Variants in PKIB observed in about 807,000 individuals in gnomAD.
PKIB encodes the protein PKI-beta.
PKIB carries 2 observed loss-of-function variants against 4.5 expected under a neutral mutation model. The ratio of observed to expected loss-of-function variants is 0.44; its 90% CI spans 0.18 to 1.39. PKIB has a LOEUF of 1.39. Among genes scored for constraint, PKIB ranks in the 40% most tolerant of loss-of-function variants. PKIB has a pLI of 0.27. For synonymous variants in PKIB, 38 were observed against 36.0 expected (o/e 1.06, Z -0.20); for missense variants, 94 against 92.6 (o/e 1.02, Z -0.06).
intron 2 of PKIB, among the ~76,000 whole-genome samples, chr6:122,519,091 A>C (rs1355903377): frequency 6.6e-6 from 1 of 152,150 alleles, no homozygotes; most frequent in Non-Finnish European, 1.5e-5. Flanking sequence ...GCTACTAGGA[A>C]CCAGACTGCA....
chr6:122,507,931 G>A (rs1776463766), intron 2 of PKIB, among the ~76,000 whole-genome samples: 1 of 151,968 alleles, frequency 6.6e-6, no homozygotes, highest in Non-Finnish European at 1.5e-5. Flanking sequence ...AAAATTTAAG[G>A]TAACAAGAGC....
chr6:122,483,438 A>T (rs1312159630), intron 2 of PKIB: 1 of 152,216 alleles, frequency 6.6e-6, no homozygotes, highest in African/African-American at 2.4e-5. Context: ...ATGCATATAG[A>T]AGATGAAAAA....
rs112537005 is a variant in PKIB, at chr6:122,513,572, C to T, written c.-248+35633C>T. 5.1e-3 allele frequency among the ~76,000 whole-genome samples: 764 copies of T among 150,684 alleles called. 7 individuals carry two copies. Among genetic ancestry groups the T allele is most frequent in the African/African-American group, 0.017 (711 of 40,994 alleles). ...AGGTTTGGGGTGTAGATGTCATCAC[C>T]CAGGTTGTAGTAAACATAGTACCCA... is the stretch of plus-strand genomic sequence containing the variant. On this transcript the variant is annotated intron_variant, in intron 2 of 6. Coordinates refer to the PKIB transcript ENST00000392491.
intron 2 of PKIB, among the ~76,000 whole-genome samples, chr6:122,654,711 T>A (rs1041427534): frequency 6.6e-6 from 1 of 152,348 alleles, no homozygotes; most frequent in Non-Finnish European, 1.5e-5. Context: ...TCAGTTGTTA[T>A]ATTTTTCTGT....
intron 1 of PKIB, among the ~76,000 whole-genome samples, chr6:122,475,312 G>A (rs1775425160): frequency 6.6e-6 from 1 of 152,180 alleles, no homozygotes; most frequent in African/African-American, 2.4e-5. Context: ...CAGCATAAAG[G>A]AAAATAAATG....
chr6:122,692,069 G>T lies in PKIB; in HGVS notation c.-9+16925G>T, dbSNP rs1016299664. Among the ~76,000 whole-genome samples the T allele has an allele frequency of 2.6e-5, 4 of 152,218 alleles. No individual in the cohort carries two copies. In the South Asian group the frequency reaches 8.3e-4, roughly 31 times the overall value. On this transcript the variant is annotated intron_variant, in intron 3 of 4. Coordinates refer to ENST00000368452, the MANE Select transcript of PKIB (RefSeq NM_181795.3). ...AGAGTCTCCCTGTCTGTGCTGAGCT[G>T]CCTGGAGCTGGAAGAAGGGTGACAC...
chr6:122,522,297 G>A (rs1776969181), intron 2 of PKIB, among the ~76,000 whole-genome samples: 1 of 152,198 alleles, frequency 6.6e-6, no homozygotes, highest in Non-Finnish European at 1.5e-5. Flanking sequence ...TTTCAAGCCA[G>A]TGGATCTTAG....
chr6:122,616,265 A>T (rs944385507), intron 1 of PKIB, among the ~76,000 whole-genome samples: 1 of 152,202 alleles, frequency 6.6e-6, no homozygotes, highest in Non-Finnish European at 1.5e-5. Flanking sequence ...GGCATGATCA[A>T]CAAGTCATAG....
chr6:122,540,285 C>T (rs1217752583), intron 2 of PKIB, among the ~76,000 whole-genome samples: 1 of 151,796 alleles, frequency 6.6e-6, no homozygotes, highest in African/African-American at 2.4e-5. Flanking sequence ...GGTGTCAATT[C>T]TGGATCTTTT....
At chr6:122,563,296 C>T (rs1322806712) in intron 2 of PKIB, among the ~76,000 whole-genome samples, 1 of 152,140 alleles carries the variant, frequency 6.6e-6, no homozygotes, top group Non-Finnish European at 1.5e-5. Flanking sequence ...GTTGTCTGCA[C>T]ATAGTCCTGT....
At chr6:122,572,666 G>C (rs1408545503) in intron 2 of PKIB, among the ~76,000 whole-genome samples, 1 of 141,322 alleles carries the variant, frequency 7.1e-6, no homozygotes, top group African/African-American at 2.5e-5. Context: ...AAAAAAAAAC[G>C]ATAAATGAAA....
chr6:122,603,703 A>G (rs1183042447), intron 3 of PKIB, among the ~76,000 whole-genome samples: 2 of 151,738 alleles, frequency 1.3e-5, no homozygotes, highest in Non-Finnish European at 2.9e-5. Flanking sequence ...CAGGTCTTGA[A>G]CTCGTGGCCT....
chr6:122,551,584 C>T (rs1159585870), intron 2 of PKIB, among the ~76,000 whole-genome samples: 1 of 152,056 alleles, frequency 6.6e-6, no homozygotes, highest in African/African-American at 2.4e-5. Flanking sequence ...CCTTTGATTT[C>T]CCCTTATCCT....
At chr6:122,624,158 G>GT (rs1357347678) in intron 1 of PKIB, among the ~76,000 whole-genome samples, 1 of 152,118 alleles carries the variant, frequency 6.6e-6, no homozygotes, top group Non-Finnish European at 1.5e-5. Flanking sequence ...ACAATATATT[G>GT]TAAGTACCAA....
intron 2 of PKIB, among the ~76,000 whole-genome samples, chr6:122,564,866 G>A (rs62422810): frequency 0.033 from 5,082 of 152,190 alleles, 116 homozygotes; most frequent in South Asian, 0.051. Flanking sequence ...AGCATTTGCC[G>A]CCAGTGTTAG....
At position 122,471,932 on chromosome 6, in the gene PKIB, T is replaced by C. The variant is rs577718356; in HGVS notation, c.-446T>C. 132 of 1,260,446 alleles carry C rather than the reference T, an allele frequency of 1.0e-4. 3 individuals are homozygous for C. In the South Asian group the frequency reaches 2.1e-3, roughly 20 times the overall value. The allele number at this position is 1,260,446 out of a possible 1,614,324, so 78.1% of individuals were successfully genotyped here. A position where few individuals can be genotyped will look rare whatever the true frequency, so the allele number is the denominator to read the frequency against. On this transcript the variant is annotated 5_prime_UTR_variant, in exon 1 of 7. Coordinates refer to the PKIB transcript ENST00000392491. ...GCAGCGCTGAGACTGCGCATGCGCG[T>C]CACTAGACGACACGGCTGTCTTCTT...
intron 1 of PKIB, among the ~76,000 whole-genome samples, chr6:122,622,709 G>A (rs1775287524): frequency 6.7e-6 from 1 of 149,314 alleles, no homozygotes; most frequent in Admixed American, 6.6e-5. Flanking sequence ...TGCAGTAGTG[G>A]GGGCTCACCC....
intron 2 of PKIB, among the ~76,000 whole-genome samples, chr6:122,662,975 T>G (rs545156093): frequency 1.3e-5 from 2 of 152,208 alleles, no homozygotes; most frequent in Admixed American, 1.3e-4. Flanking sequence ...GTTGTTTCCC[T>G]TATCCTGATT....
chr6:122,578,790 C>T (rs1023023124), intron 2 of PKIB, among the ~76,000 whole-genome samples: 5 of 152,140 alleles, frequency 3.3e-5, no homozygotes, highest in Admixed American at 2.6e-4. Context: ...CTCCATGTGT[C>T]GTGGGAGGGA....
Sources: gnomAD v4.1 joint callset for allele counts (sites outside exome capture counted in the v4.1 genomes callset) on GRCh38, gnomAD v4.1.1 for gene constraint, MANE v1.5 for transcripts, NCBI Gene and HGNC (gene_info 2026-07-23, HGNC 2026-07-21) for gene names.